ZFHX3: variants seen among roughly 807,000 people sequenced by gnomAD.
ZFHX3 encodes zinc finger homeobox 3, also known as zinc finger homeobox protein 3.
A neutral mutation model predicts 279.1 loss-of-function variants in ZFHX3; 42 were observed. That is an observed-to-expected ratio of 0.15 (90% CI 0.12 to 0.19). ZFHX3 has a LOEUF of 0.19. Ranked by LOEUF, ZFHX3 falls within the 10% of genes least tolerant of loss-of-function variation. The probability of loss-of-function intolerance (pLI) is 1.00; values close to 1 mark genes in which losing one functional copy is unlikely to be tolerated. For missense variants in ZFHX3, 4,981 were observed against 4,754.0 expected (o/e 1.05, Z -1.40); for synonymous variants, 2,293 against 1,957.8 (o/e 1.17, Z -4.52).
intron 3 of ZFHX3, among the ~76,000 whole-genome samples, chr16:72,901,221 G>A (rs1252708154): frequency 6.6e-6 from 1 of 152,172 alleles, no homozygotes; most frequent in Non-Finnish European, 1.5e-5. Context: ...AGCCCGCTGA[G>A]TGCACCTGCC....
At chr16:72,919,644 A>G (rs1334223232) in intron 3 of ZFHX3, among the ~76,000 whole-genome samples, 2 of 152,048 alleles carry the variant, frequency 1.3e-5, no homozygotes, top group Non-Finnish European at 2.9e-5. Flanking sequence ...ACCAATATCC[A>G]TCTTGATATC....
intron 8 of ZFHX3, chr16:73,081,586 T>C (rs1597150219): frequency 6.6e-6 from 1 of 152,156 alleles, no homozygotes; most frequent in East Asian, 1.9e-4. Context: ...TATTATCAAA[T>C]GCCTCACTAA....
intron 1 of ZFHX3, among the ~76,000 whole-genome samples, chr16:73,755,760 A>AC (rs1555499850): frequency 2.0e-5 from 3 of 152,142 alleles, no homozygotes; most frequent in Non-Finnish European, 2.9e-5. Flanking sequence ...GAAGCACTGC[A>AC]CCCCCCACCC....
chr16:73,271,883 T>A (rs2014155213), intron 4 of ZFHX3, among the ~76,000 whole-genome samples: 1 of 152,216 alleles, frequency 6.6e-6, no homozygotes. Flanking sequence ...CTCAGTTAGA[T>A]GCTGGGTTCT....
chr16:73,269,624 G>A (rs2014085051), intron 4 of ZFHX3, among the ~76,000 whole-genome samples: 1 of 152,118 alleles, frequency 6.6e-6, no homozygotes, highest in Non-Finnish European at 1.5e-5. Context: ...GAATATTCAT[G>A]TACATCTTTG....
At chr16:73,589,279 A>C (rs1315661521) in intron 2 of ZFHX3, among the ~76,000 whole-genome samples, 1 of 146,676 alleles carries the variant, frequency 6.8e-6, no homozygotes. Flanking sequence ...AAAAAAAAAA[A>C]AAAAAAAAAA....
chr16:72,870,135 T>C (rs1435733653), intron 4 of ZFHX3, among the ~76,000 whole-genome samples: 4 of 152,194 alleles, frequency 2.6e-5, no homozygotes, highest in Admixed American at 6.5e-5. Flanking sequence ...AGGTGAGATG[T>C]AATCCCAGCA....
At chr16:73,778,387 TTC>T (rs1366767546) in intron 1 of ZFHX3, among the ~76,000 whole-genome samples, 74 of 152,224 alleles carry the variant, frequency 4.9e-4, no homozygotes, top group African/African-American at 1.8e-3. Context: ...AGATTTCAAT[TTC>T]TCTGTTAATT....
chr16:72,818,080 G>A (rs187410462), intron 5 of ZFHX3, among the ~76,000 whole-genome samples: 265 of 152,168 alleles, frequency 1.7e-3, no homozygotes, highest in Non-Finnish European at 2.8e-3. Flanking sequence ...GTTGACTAGC[G>A]AAAAAAGAAA....
rs979796198 is a variant in ZFHX3, at chr16:73,132,908, T to C, written c.-1023-1814A>G. Among the ~76,000 whole-genome samples, 12 of 152,372 alleles carry C rather than the reference T, an allele frequency of 7.9e-5. 1 individual carries two copies. The highest frequency in any genetic ancestry group is 2.6e-4 in the Admixed American group (4 of 15,310). The stretch of plus-strand genomic sequence containing the variant: ...TCTTCGTCAGCAAGTGTTCTTCTCC[T>C]GGTCGGTTTGGCCGATCGTGATGGA... On this transcript the variant is annotated intron_variant, in intron 6 of 17. Coordinates refer to the ZFHX3 transcript ENST00000641206.
intron 3 of ZFHX3, among the ~76,000 whole-genome samples, chr16:72,913,565 G>T (rs1468502509): frequency 6.6e-6 from 1 of 152,168 alleles, no homozygotes; most frequent in African/African-American, 2.4e-5. Flanking sequence ...TGGTGATGTT[G>T]ACCTTGATCA....
intron 1 of ZFHX3, among the ~76,000 whole-genome samples, chr16:73,820,124 C>T (rs1960692021): frequency 6.6e-6 from 1 of 152,106 alleles, no homozygotes; most frequent in Non-Finnish European, 1.5e-5. Context: ...GAGTCTTGCT[C>T]TGTCGCCCAG....
exon 1 of ZFHX3, chr16:73,059,037 T>C (rs1413094052): frequency 6.5e-6 from 1 of 154,030 alleles, no homozygotes; most frequent in Non-Finnish European, 1.4e-5. Context: ...GAAAAAAAAG[T>C]CTTTGGATCT....
intron 3 of ZFHX3, among the ~76,000 whole-genome samples, chr16:72,899,459 T>C (rs2038979256): frequency 6.6e-6 from 1 of 152,242 alleles, no homozygotes; most frequent in Non-Finnish European, 1.5e-5. Context: ...CCAGCCATGC[T>C]GAATGGTGAG....
chr16:72,915,349 T>C (rs2144207119), intron 3 of ZFHX3, among the ~76,000 whole-genome samples: 1 of 152,248 alleles, frequency 6.6e-6, no homozygotes, highest in African/African-American at 2.4e-5. Context: ...CATCAACACC[T>C]AGACTCGCAG....
rs398029895 is a variant in ZFHX3, at chr16:73,227,848, CAAAAAAAAA to C, written c.-1104+29190_-1104+29198del. Among the ~76,000 whole-genome samples, 5 of 46,042 alleles carry C rather than the reference CAAAAAAAAA, an allele frequency of 1.1e-4. 1 individual carries two copies. Among genetic ancestry groups the C allele is most frequent in the South Asian group, 2.8e-3 (2 of 708 alleles). 30.2% of individuals were successfully genotyped at this position (46,042 alleles called of 152,430 possible). A position where few individuals can be genotyped will look rare whatever the true frequency, so the allele number is the denominator to read the frequency against. ...TGAGCAACAGAGCAAGATTCTGTCT[CAAAAAAAAA>C]AAAAAAAAAAAAAAAAGACATCGAA... is the stretch of plus-strand genomic sequence containing the variant. On this transcript the variant is annotated intron_variant, in intron 5 of 17. Transcript: ENST00000641206.
intron 3 of ZFHX3, among the ~76,000 whole-genome samples, chr16:73,355,516 A>C (rs1447050999): frequency 1.3e-5 from 2 of 152,180 alleles, no homozygotes; most frequent in Non-Finnish European, 2.9e-5. Context: ...AGGGACACTA[A>C]AGAGCAGGGC....
chr16:73,527,244 G>A (rs964751708), intron 2 of ZFHX3, among the ~76,000 whole-genome samples: 1 of 152,110 alleles, frequency 6.6e-6, no homozygotes, highest in Non-Finnish European at 1.5e-5. Flanking sequence ...AAGGTAGGAG[G>A]CTTAGGTGAC....
intron 2 of ZFHX3, among the ~76,000 whole-genome samples, chr16:73,514,677 C>T (rs1480605690): frequency 1.3e-5 from 2 of 152,200 alleles, no homozygotes; most frequent in Non-Finnish European, 2.9e-5. Context: ...CTCAAAGAAG[C>T]CGAACCTCTG....
Sources: gnomAD v4.1 joint callset for allele counts (sites outside exome capture counted in the v4.1 genomes callset) on GRCh38, gnomAD v4.1.1 for gene constraint, MANE v1.5 for transcripts, NCBI Gene and HGNC (gene_info 2026-07-23, HGNC 2026-07-21) for gene names.